Variants in HEXB observed in about 807,000 individuals in gnomAD.
HEXB encodes the protein beta-hexosaminidase subunit beta.
In HEXB, 51 loss-of-function variants were observed where a neutral mutation model predicts 71.2. The ratio of observed to expected loss-of-function variants is 0.72; its 90% confidence interval spans 0.57 to 0.90. The LOEUF (loss-of-function observed/expected upper bound fraction) is 0.90, where lower values mean the gene tolerates loss of function less well. Among genes scored for constraint, HEXB ranks in the 40% least tolerant of loss-of-function variants. The probability of loss-of-function intolerance (pLI) is 0.00; values close to 1 mark genes in which losing one functional copy is unlikely to be tolerated. For missense variants in HEXB, 617 were observed against 677.0 expected, an observed-to-expected ratio of 0.91 and a Z score of 0.98; for synonymous variants, 266 against 249.3, an observed-to-expected ratio of 1.07 and a Z score of -0.63.
At chr5:74,667,022 T>C (rs1342578620) in intron 1 of HEXB, among the ~76,000 whole-genome samples, 1 of 152,120 alleles carries the variant, frequency 6.6e-6, no homozygotes. Context: ...GGTCTATAGA[T>C]CCTCTTCCTG....
At chr5:74,685,701 A>G (rs1748852379) in intron 1 of HEXB, 142 bp downstream of exon 1, 8 of 712,652 alleles carry the variant, frequency 1.1e-5, no homozygotes, top group Non-Finnish European at 1.5e-5. Flanking sequence ...CCAGCGCCAC[A>G]TGGACTGAAC....
rs1034906413 is a variant in HEXB, at chr5:74,678,912, T to G, written c.-376-10416T>G. ...CTTAGTAGAAGTTATAAAATGGTTATTTTATTCAATTTCACAAGTAATCAA... is the reference window on the plus strand; with the variant it reads ...CTTAGTAGAAGTTATAAAATGGTTAGTTTATTCAATTTCACAAGTAATCAA... On this transcript the variant is annotated intron_variant, in intron 1 of 13. Transcript: ENST00000511181. Among the ~76,000 whole-genome samples the G allele has an allele frequency of 2.6e-5, 4 of 152,214 alleles. No homozygotes were observed. In the East Asian group the frequency reaches 7.7e-4, roughly 29 times the overall value.
At chr5:74,711,182 G>C (rs1410289483) in intron 6 of HEXB, among the ~76,000 whole-genome samples, 5 of 150,438 alleles carry the variant, frequency 3.3e-5, no homozygotes, top group African/African-American at 1.2e-4. Context: ...CAAGCAATGG[G>C]GAAAGGATTC....
intron 1 of HEXB, among the ~76,000 whole-genome samples, chr5:74,648,912 T>C (rs979540153): frequency 6.6e-6 from 1 of 152,178 alleles, no homozygotes; most frequent in Non-Finnish European, 1.5e-5. Flanking sequence ...AATGGAACAC[T>C]GTAGCACAGA....
At chr5:74,708,966 C>T (rs1333874719) in intron 6 of HEXB, among the ~76,000 whole-genome samples, 2 of 152,144 alleles carry the variant, frequency 1.3e-5, no homozygotes, top group Non-Finnish European at 2.9e-5. Flanking sequence ...CAGAACTCTC[C>T]ACCCCAAATC....
intron 1 of HEXB, among the ~76,000 whole-genome samples, chr5:74,643,714 C>A (rs1334063415): frequency 2.0e-5 from 3 of 152,166 alleles, no homozygotes; most frequent in Non-Finnish European, 4.4e-5. Context: ...TCCTAATTTA[C>A]ACTTGGGCTG....
intron 5 of HEXB, 75 bp from the exon 6 acceptor site, chr5:74,705,144 T>C: frequency 1.2e-6 from 1 of 846,912 alleles, no homozygotes; most frequent in Non-Finnish European, 2.0e-6. Flanking sequence ...TTGGAAGCAA[T>C]TCCAAATGTA....
At chr5:74,676,481 GA>G (rs1375220074) in intron 1 of HEXB, among the ~76,000 whole-genome samples, 3 of 152,190 alleles carry the variant, frequency 2.0e-5, no homozygotes, top group African/African-American at 4.8e-5. Context: ...TAAAGGGCAA[GA>G]AGGGGCTGGG....
intron 1 of HEXB, among the ~76,000 whole-genome samples, chr5:74,671,111 C>G (rs1580370015): frequency 1.3e-5 from 2 of 152,044 alleles, no homozygotes; most frequent in African/African-American, 4.8e-5. Flanking sequence ...GGGTGGTACA[C>G]AGAAAGACTG....
At chr5:74,697,727 CA>C (rs34363294) in intron 5 of HEXB, among the ~76,000 whole-genome samples, 22,350 of 109,924 alleles carry the variant, frequency 0.2, 1,632 homozygotes, top group South Asian at 0.27. Flanking sequence ...GACTCTGTCT[CA>C]AAAAAAAAAA....
At chr5:74,677,158 TACATGAGTC>T (rs1748646210) in intron 1 of HEXB, among the ~76,000 whole-genome samples, 3 of 152,286 alleles carry the variant, frequency 2.0e-5, no homozygotes, top group African/African-American at 7.2e-5. Flanking sequence ...GTGCTGGGAT[TACATGAGTC>T]ACCGCACCCA....
rs543160600 is a variant in HEXB, at chr5:74,651,871, A to G, written c.-377+11313A>G. Reference sequence around the variant, plus strand: ...CTTGGTGCTAGAAGTGATAAGACTTAGGTAATGGAAAGCCAGAGCATATCT... The same window carrying G: ...CTTGGTGCTAGAAGTGATAAGACTTGGGTAATGGAAAGCCAGAGCATATCT... On this transcript the variant is annotated intron_variant, in intron 1 of 13. Transcript: ENST00000511181. Among the ~76,000 whole-genome samples the G allele has an allele frequency of 2.6e-5, 4 of 152,338 alleles. No homozygotes were observed. The East Asian group carries it at 5.8e-4, about 22-fold the overall frequency.
At chr5:74,667,199 G>A (rs1748447440) in intron 1 of HEXB, among the ~76,000 whole-genome samples, 1 of 152,042 alleles carries the variant, frequency 6.6e-6, no homozygotes, top group South Asian at 2.1e-4. Context: ...CAGATCACCT[G>A]AGGTCGGGAG....
At chr5:74,674,324 C>T (rs1023581390) in intron 1 of HEXB, among the ~76,000 whole-genome samples, 1 of 152,076 alleles carries the variant, frequency 6.6e-6, no homozygotes, top group Non-Finnish European at 1.5e-5. Context: ...AGGTTTTCAG[C>T]CAGGCGTGGT....
rs865822685 is a variant in HEXB at position 74,685,319 on chromosome 5, C to T, written c.59C>T (p.Ala20Val). ...CCCATGCTGCTGGCGCTGCTGTTGGCGACACTGCTGGCGGCGATGTTGGCG... is the reference window on the plus strand; with the variant it reads ...CCCATGCTGCTGGCGCTGCTGTTGGTGACACTGCTGGCGGCGATGTTGGCG... ...RPPMLLALLLATLLAAMLALL... is the reference protein window; with the variant it reads ...RPPMLLALLLVTLLAAMLALL... Residue 20 changes from alanine (A) to valine (V), a missense_variant, in exon 1 of 14, where the codon GCG (alanine) becomes GTG (valine). Physicochemically the swap from Ala to Val is moderately conservative, Grantham distance 64. Transcript: ENST00000261416. 1 of 1,571,440 alleles carries T rather than the reference C, an allele frequency of 6.4e-7. No individual in the cohort carries two copies. Among genetic ancestry groups the T allele is most frequent in the Non-Finnish European group, 8.6e-7 (1 of 1,161,214 alleles).
chr5:74,715,713 C>CT (rs201655210), intron 8 of HEXB, 23 bp downstream of exon 8: 3 of 1,449,696 alleles, frequency 2.1e-6, no homozygotes, highest in South Asian at 1.2e-5. Flanking sequence ...CTTAAAACCC[C>CT]TTTAAAAAAA....
chr5:74,664,430 TAAAAAAA>T (rs397998152), intron 1 of HEXB, among the ~76,000 whole-genome samples: 13 of 79,664 alleles, frequency 1.6e-4, no homozygotes, highest in African/African-American at 5.1e-4. Context: ...ATTCTATCTC[TAAAAAAA>T]AAAAAAAAAA....
chr5:74,709,243 A>T (rs1749480155), intron 6 of HEXB, among the ~76,000 whole-genome samples: 1 of 152,210 alleles, frequency 6.6e-6, no homozygotes, highest in Non-Finnish European at 1.5e-5. Flanking sequence ...TTTGAAACCA[A>T]CAAGAACAAA....
intron 1 of HEXB, among the ~76,000 whole-genome samples, chr5:74,642,704 C>T (rs1348748532): frequency 6.6e-6 from 1 of 151,652 alleles, no homozygotes; most frequent in Non-Finnish European, 1.5e-5. Context: ...CCACAGGAAG[C>T]GACAGAACTA....
Sources: allele counts gnomAD v4.1 joint callset (sites outside exome capture counted in the v4.1 genomes callset), GRCh38; gene constraint gnomAD v4.1.1; transcripts MANE v1.5; gene names NCBI Gene and HGNC (gene_info 2026-07-23, HGNC 2026-07-21).